Variants in CAMTA1 observed in about 807,000 individuals in gnomAD.
The protein encoded by CAMTA1 is calmodulin binding transcription activator 1, also known as calmodulin-binding transcription activator 1.
A neutral mutation model predicts 170.9 loss-of-function variants in CAMTA1; 27 were observed. That is an observed-to-expected ratio of 0.16 (90% confidence interval 0.12 to 0.22). The LOEUF is 0.22. CAMTA1 is among the 10% of genes least tolerant of loss of function. CAMTA1 has a pLI of 1.00. For missense variants in CAMTA1, 1,619 were observed against 2,217.2 expected, an observed-to-expected ratio of 0.73 and a Z score of 5.42; for synonymous variants, 833 against 891.5, an observed-to-expected ratio of 0.93 and a Z score of 1.17.
chr1:6,894,507 C>T (rs2149161252), intron 3 of CAMTA1, among the ~76,000 whole-genome samples: 1 of 152,228 alleles, frequency 6.6e-6, no homozygotes, highest in South Asian at 2.1e-4. Context: ...GAAATCCATC[C>T]CTCCCTTCCT....
intron 3 of CAMTA1, among the ~76,000 whole-genome samples, chr1:7,051,806 C>T (rs921734404): frequency 6.6e-6 from 1 of 151,614 alleles, no homozygotes; most frequent in Admixed American, 6.6e-5. Context: ...CAAGATGGTG[C>T]TCTGTGGTGT....
chr1:7,292,001 T>C (rs2149506184), intron 5 of CAMTA1, among the ~76,000 whole-genome samples: 1 of 152,340 alleles, frequency 6.6e-6, no homozygotes, highest in East Asian at 1.9e-4. Flanking sequence ...GGGAGGATGC[T>C]GGGTGCAAAC....
chr1:7,358,544 C>T (rs1383136313), intron 5 of CAMTA1, among the ~76,000 whole-genome samples: 1 of 152,086 alleles, frequency 6.6e-6, no homozygotes, highest in Non-Finnish European at 1.5e-5. Flanking sequence ...CTGCATGCCC[C>T]GCGCCACCCC....
rs2095960664 is a variant in CAMTA1, at chr1:7,661,850, C to T, written c.789C>T (p.Leu263=). The change falls in exon 8 of 23, where the codon CTC becomes CTT. Residue 263 remains leucine (L), a synonymous_variant. Coordinates refer to ENST00000303635, the MANE Select transcript of CAMTA1 (RefSeq NM_015215.4). ...TKPQPRTHNC[L]CTGSLGAGGS... ...CCCAGCCGCGGACCCACAACTGCCTCTGCACCGGCAGCCTGGGTGAGCCGG... is the reference window on the plus strand; with the variant it reads ...CCCAGCCGCGGACCCACAACTGCCTTTGCACCGGCAGCCTGGGTGAGCCGG... 1 of 1,612,168 alleles carries T rather than the reference C, an allele frequency of 6.2e-7. No homozygotes were observed. The highest frequency in any genetic ancestry group is 1.3e-5 in the African/African-American group (1 of 74,910).
intron 5 of CAMTA1, among the ~76,000 whole-genome samples, chr1:7,350,890 T>C (rs1289673565): frequency 1.3e-5 from 2 of 152,104 alleles, no homozygotes; most frequent in Non-Finnish European, 2.9e-5. Flanking sequence ...GAGAAGGGAG[T>C]TGCTGCTGTT....
Position 7,064,549 on chromosome 1 carries a change from TC to T in CAMTA1, c.235-26752del, listed in dbSNP as rs1708717439. ...TGATGGTTGGGGAGGGAGGGGGTAG[TC>T]CCTGAGGAGGCAGCAGTTTAAGCTG... On this transcript the variant is annotated intron_variant, in intron 3 of 22. Coordinates refer to ENST00000303635, the MANE Select transcript of CAMTA1 (RefSeq NM_015215.4). The surrounding 1 kb of genome is among the most constrained non-coding windows in gnomAD (Gnocchi z 5.4). 6.6e-6 allele frequency among the ~76,000 whole-genome samples: 1 copy of T among 151,876 alleles called. No individual in the cohort carries two copies. The highest frequency in any genetic ancestry group is 2.1e-4 in the South Asian group (1 of 4,786).
intron 4 of CAMTA1, among the ~76,000 whole-genome samples, chr1:7,184,522 TA>T (rs1000019985): frequency 1.3e-5 from 2 of 151,888 alleles, no homozygotes; most frequent in Non-Finnish European, 2.9e-5. Context: ...AATTAAAAAT[TA>T]AAAAAAGTAA....
chr1:7,422,485 C>A (rs1006076795), intron 5 of CAMTA1, among the ~76,000 whole-genome samples: 6 of 152,100 alleles, frequency 3.9e-5, no homozygotes, highest in African/African-American at 1.4e-4. Flanking sequence ...AATGGCCAGA[C>A]CCCCTCTGTG....
chr1:7,298,894 T>C (rs1674362888), intron 5 of CAMTA1, among the ~76,000 whole-genome samples: 1 of 152,064 alleles, frequency 6.6e-6, no homozygotes. Context: ...GCAGCCAACA[T>C]TTCACCCTTC....
chr1:7,202,232 A>C (rs954350239), intron 4 of CAMTA1, among the ~76,000 whole-genome samples: 2 of 152,118 alleles, frequency 1.3e-5, no homozygotes, highest in Non-Finnish European at 2.9e-5. Context: ...TGTCATTTCT[A>C]TTCTATTGAT....
rs2092917345 is a variant in CAMTA1, at chr1:7,455,019, TC to T, written c.439-12809del. 6.6e-6 allele frequency among the ~76,000 whole-genome samples: 1 copy of T among 152,182 alleles called. No homozygotes were observed. The highest frequency in any genetic ancestry group is 1.5e-5 in the Non-Finnish European group (1 of 68,036). On this transcript the variant is annotated intron_variant, in intron 5 of 22. Coordinates refer to ENST00000303635, the MANE Select transcript of CAMTA1 (RefSeq NM_015215.4). This position sits in a 1 kb window ranked among gnomAD's most constrained non-coding sequence, Gnocchi z 5.0. ...ATTCAGCTGGGGTTCATCCCCCTGC[TC>T]CGTGCCAGAGCCTCGGAGGTTCCGA... is the stretch of plus-strand genomic sequence containing the variant.
At chr1:7,566,838 C>T (rs1417138085) in intron 6 of CAMTA1, among the ~76,000 whole-genome samples, 2 of 152,230 alleles carry the variant, frequency 1.3e-5, no homozygotes, top group Non-Finnish European at 2.9e-5. Flanking sequence ...CCCAGATTGG[C>T]ACTAGGAGCA....
At chr1:7,606,684 G>A (rs1178559587) in intron 6 of CAMTA1, among the ~76,000 whole-genome samples, 2 of 152,180 alleles carry the variant, frequency 1.3e-5, no homozygotes, top group African/African-American at 2.4e-5. Flanking sequence ...CACAGCACAA[G>A]CGTGTCCTCC....
At chr1:7,512,720 G>A (rs1198070211) in intron 6 of CAMTA1, among the ~76,000 whole-genome samples, 1 of 152,218 alleles carries the variant, frequency 6.6e-6, no homozygotes, top group East Asian at 1.9e-4. Context: ...AGAGAGTGGG[G>A]AAGGAAGCAA....
At chr1:6,997,930 A>G (rs934744988) in intron 3 of CAMTA1, among the ~76,000 whole-genome samples, 1 of 151,728 alleles carries the variant, frequency 6.6e-6, no homozygotes, top group Admixed American at 6.6e-5. Flanking sequence ...GTGTGCTGGG[A>G]TTAAAGGTGT....
chr1:7,675,103 T>C (rs1212878748), intron 10 of CAMTA1, among the ~76,000 whole-genome samples: 2 of 152,180 alleles, frequency 1.3e-5, no homozygotes, highest in Non-Finnish European at 2.9e-5. Context: ...TCTCGCAGAC[T>C]GGGACCTGGA....
chr1:6,790,264 T>C (rs1472906535), intron 1 of CAMTA1, among the ~76,000 whole-genome samples: 1 of 152,024 alleles, frequency 6.6e-6, no homozygotes, highest in Non-Finnish European at 1.5e-5. Flanking sequence ...TGAACCTTTT[T>C]TCCTCCTCAG....
chr1:7,687,108 T>C (rs1176186789), intron 11 of CAMTA1, among the ~76,000 whole-genome samples: 3 of 151,850 alleles, frequency 2.0e-5, no homozygotes, highest in East Asian at 2.0e-4. Flanking sequence ...CGCGTGCAGA[T>C]GGCGTTTAGC....
chr1:7,419,652 AGTGTC>A (rs1478835919), intron 5 of CAMTA1, among the ~76,000 whole-genome samples: 2 of 152,130 alleles, frequency 1.3e-5, no homozygotes, highest in African/African-American at 4.8e-5. Context: ...CAGACTCCTA[AGTGTC>A]GACTCATCCT....
Sources: allele counts gnomAD v4.1 joint callset (sites outside exome capture counted in the v4.1 genomes callset), GRCh38; gene constraint gnomAD v4.1.1; non-coding constraint Gnocchi (gnomAD v3.1); transcripts MANE v1.5; gene names NCBI Gene and HGNC (gene_info 2026-07-23, HGNC 2026-07-21).